HMG20A: variants seen among roughly 807,000 people sequenced by gnomAD.
The protein encoded by HMG20A is high mobility group 20A.
A neutral mutation model predicts 43.9 loss-of-function variants in HMG20A; 17 were observed. That is an observed-to-expected ratio of 0.39 (90% CI 0.27 to 0.58). The LOEUF is 0.58. Ranked by LOEUF, HMG20A falls within the 20% of genes least tolerant of loss-of-function variation. The pLI is 0.59. For synonymous variants in HMG20A, 132 were observed against 147.5 expected (o/e 0.89, Z 0.76); for missense variants, 341 against 438.2 (o/e 0.78, Z 1.98).
chr15:77,513,913 A>T, the HMG20A span, among the ~76,000 whole-genome samples: 1 of 151,890 alleles, frequency 6.6e-6, no homozygotes. Context: ...TTCAGTAGAG[A>T]CGGCGTTTCA....
the HMG20A span, among the ~76,000 whole-genome samples, chr15:77,497,682 A>AGAGAGAGAGAGAGAGAGAGAGAGT: frequency 1.7e-5 from 2 of 118,988 alleles, no homozygotes; most frequent in African/African-American, 6.4e-5. Flanking sequence ...AGAGAGAGAG[A>AGAGAGAGAGAGAGAGAGAGAGAGT]GTGTGTGTGT....
intron 1 of HMG20A, among the ~76,000 whole-genome samples, chr15:77,454,006 C>CA (rs34166489): frequency 0.11 from 12,209 of 107,522 alleles, 528 homozygotes; most frequent in Admixed American, 0.14. Context: ...CCTATCTCTA[C>CA]AAAAAAAAAA....
At chr15:77,496,389 G>C in the HMG20A span, among the ~76,000 whole-genome samples, 2 of 152,228 alleles carry the variant, frequency 1.3e-5, no homozygotes. Context: ...CTAGGAAGCA[G>C]CCTCAGAACA....
downstream of HMG20A, among the ~76,000 whole-genome samples, chr15:77,490,391 T>A (rs762694908): frequency 1.3e-5 from 2 of 152,108 alleles, no homozygotes; most frequent in Non-Finnish European, 2.9e-5. Flanking sequence ...AAGGCTGGCA[T>A]AGGAACCCAA....
At chr15:77,499,939 C>G in the HMG20A span, among the ~76,000 whole-genome samples, 1 of 151,944 alleles carries the variant, frequency 6.6e-6, no homozygotes, top group Non-Finnish European at 1.5e-5. Context: ...AAGGGATTCT[C>G]CTGCCTCAGC....
At chr15:77,471,669 T>TTA (rs1486478290) in intron 5 of HMG20A, 114 bp from the exon 6 acceptor site, 1 of 699,340 alleles carries the variant, frequency 1.4e-6, no homozygotes, top group African/African-American at 1.9e-5. Context: ...ATATCATATG[T>TTA]TATGAGAATC....
At chr15:77,457,343 G>T (rs1190272280) in intron 1 of HMG20A, among the ~76,000 whole-genome samples, 1 of 152,162 alleles carries the variant, frequency 6.6e-6, no homozygotes, top group African/African-American at 2.4e-5. Flanking sequence ...AACTCCTGAG[G>T]AAGCTCCTAA....
At chr15:77,441,456 T>C (rs2073612188) in intron 1 of HMG20A, among the ~76,000 whole-genome samples, 1 of 152,196 alleles carries the variant, frequency 6.6e-6, no homozygotes. Context: ...ATACTGTTTC[T>C]CAGTATTCTA....
chr15:77,515,307 C>T, the HMG20A span, among the ~76,000 whole-genome samples: 4 of 152,074 alleles, frequency 2.6e-5, no homozygotes, highest in Non-Finnish European at 2.9e-5. Context: ...TTAGGATAAA[C>T]GCCCAGCAGT....
Position 77,458,493 on chromosome 15 carries a change from CT to C in HMG20A, c.87del (p.Leu31Ter). On this transcript the variant is annotated frameshift_variant and splice_region_variant, in exon 2 of 10. Transcript: ENST00000336216. LOFTEE classifies it high-confidence loss of function. ...AAGGAGAGTAATGATCTGGCTACCA[CT>C]GGGTAAGCAGCTGCTTTAGGACACT... The part of the protein sequence containing the change: ...GSKESNDLAT[T>X]GLNHPEVPYS... The C allele has an allele frequency of 6.2e-7, 1 of 1,607,726 alleles. No individual in the cohort carries two copies. Among genetic ancestry groups the C allele is most frequent in the Non-Finnish European group, 8.5e-7 (1 of 1,174,396 alleles).
chr15:77,504,807 A>G, the HMG20A span, among the ~76,000 whole-genome samples: 1 of 152,152 alleles, frequency 6.6e-6, no homozygotes, highest in East Asian at 1.9e-4. Flanking sequence ...TGCAGGTGGG[A>G]AACTGGGCTT....
At chr15:77,467,410 G>A in intron 4 of HMG20A, 103 bp downstream of exon 4, 1 of 954,278 alleles carries the variant, frequency 1.0e-6, no homozygotes, top group Non-Finnish European at 1.6e-6. Flanking sequence ...CTGCAGTTTT[G>A]TCACAGTGCC....
Position 77,478,347 on chromosome 15 carries a change from G to A in HMG20A, c.744G>A (p.Glu248=). Reference sequence around the variant, plus strand: ...GCAAATCCAACATGGAGTTTGAGGAGAGGAATGCAGCCCTGCAAAAGCACG... The same window carrying A: ...GCAAATCCAACATGGAGTTTGAGGAAAGGAATGCAGCCCTGCAAAAGCACG... ...QLRKSNMEFE[E]RNAALQKHVE... Residue 248 remains glutamate, a synonymous_variant, in exon 8 of 10, where the codon GAG becomes GAA. Coordinates refer to ENST00000336216, the MANE Select transcript of HMG20A (RefSeq NM_001304504.2). The A allele has an allele frequency of 3.1e-6, 5 of 1,613,700 alleles. No individual in the cohort carries two copies. The highest frequency in any genetic ancestry group is 4.2e-6 in the Non-Finnish European group (5 of 1,180,042).
the HMG20A span, among the ~76,000 whole-genome samples, chr15:77,499,062 AC>A: frequency 6.6e-6 from 1 of 152,140 alleles, no homozygotes; most frequent in South Asian, 2.1e-4. Flanking sequence ...GGACTGGATG[AC>A]CCCTTCTAGC....
At chr15:77,509,613 A>C in the HMG20A span, among the ~76,000 whole-genome samples, 1 of 148,508 alleles carries the variant, frequency 6.7e-6, no homozygotes, top group Admixed American at 6.7e-5. Flanking sequence ...TGTGTCTTAA[A>C]GAACTATCCA....
chr15:77,488,909 A>G (rs1008702986), downstream of HMG20A, among the ~76,000 whole-genome samples: 1 of 152,244 alleles, frequency 6.6e-6, no homozygotes, highest in South Asian at 2.1e-4. Flanking sequence ...TGGGATCACA[A>G]TAAAGATAGT....
chr15:77,476,100 G>A (rs192815912), intron 6 of HMG20A, among the ~76,000 whole-genome samples: 10 of 152,304 alleles, frequency 6.6e-5, no homozygotes, highest in African/African-American at 2.4e-4. Flanking sequence ...ATGAATACAG[G>A]AGCTCGGGTG....
chr15:77,498,826 T>C, the HMG20A span, among the ~76,000 whole-genome samples: 3 of 152,348 alleles, frequency 2.0e-5, no homozygotes, highest in African/African-American at 7.2e-5. Context: ...GGAAGCCACT[T>C]AACCCCTTCG....
At chr15:77,481,031 G>T (rs1489902376) in intron 9 of HMG20A, among the ~76,000 whole-genome samples, 1 of 152,178 alleles carries the variant, frequency 6.6e-6, no homozygotes, top group Non-Finnish European at 1.5e-5. Flanking sequence ...TATTTGTCCT[G>T]TGAGTACATG....
Sources: allele counts gnomAD v4.1 joint callset (sites outside exome capture counted in the v4.1 genomes callset), GRCh38; gene constraint gnomAD v4.1.1; transcripts MANE v1.5; gene names NCBI Gene and HGNC (gene_info 2026-07-23, HGNC 2026-07-21).